The following ZNF250 variants were observed in gnomAD, a reference collection of about 807,000 sequenced individuals.
ZNF250 encodes the protein zinc finger protein 250.
A neutral mutation model predicts 37.1 loss-of-function variants in ZNF250; 13 were observed. That is an observed-to-expected ratio of 0.35 (90% confidence interval 0.23 to 0.56). ZNF250 has a LOEUF of 0.56. Ranked by LOEUF, ZNF250 falls within the 20% of genes least tolerant of loss-of-function variation. ZNF250 has a pLI of 0.87. For missense variants in ZNF250, 474 were observed against 697.9 expected (o/e 0.68, Z 3.61); for synonymous variants, 251 against 265.6 (o/e 0.94, Z 0.54).
chr8:144,885,360 G>A (rs967728225), intron 5 of ZNF250, among the ~76,000 whole-genome samples: 1 of 152,056 alleles, frequency 6.6e-6, no homozygotes, highest in Non-Finnish European at 1.5e-5. Flanking sequence ...ACCTCAGGTG[G>A]TCCATCTGCC....
intron 5 of ZNF250, 75 bp downstream of exon 5, chr8:144,886,765 C>A: frequency 1.4e-6 from 2 of 1,408,344 alleles, no homozygotes; most frequent in East Asian, 4.6e-5. Flanking sequence ...CGAGTCGCCT[C>A]TACATTCTTG....
intron 1 of ZNF250, among the ~76,000 whole-genome samples, chr8:144,898,236 G>T (rs759635471): frequency 9.2e-5 from 14 of 152,124 alleles, no homozygotes; most frequent in Non-Finnish European, 2.1e-4. Context: ...GGTGGAGTTT[G>T]CAGTGAGCCA....
chr8:144,892,545 C>T (rs1832416373), intron 1 of ZNF250, among the ~76,000 whole-genome samples: 1 of 151,870 alleles, frequency 6.6e-6, no homozygotes, highest in Admixed American at 6.6e-5. Flanking sequence ...ACATCAATAA[C>T]CAATTTTTTT....
Position 144,886,844 on chromosome 8 carries a change from T to A in ZNF250, c.342A>T (p.Pro114=). 1 of 1,613,158 alleles carries A rather than the reference T, an allele frequency of 6.2e-7. No individual in the cohort carries two copies. The highest frequency in any genetic ancestry group is 1.1e-5 in the South Asian group (1 of 91,076). The change falls in exon 5 of 6, where the codon CCA becomes CCT. Residue 114 remains proline (P), a synonymous_variant. Transcript: ENST00000417550. ...ACTQQDSLSC[P]WECETKGESQ... Reference sequence around the variant, plus strand: ...AAAGATCAGGCATACACTTACCCCATGGACAAGATAAACTGTCTTGTTGTG... The same window carrying A: ...AAAGATCAGGCATACACTTACCCCAAGGACAAGATAAACTGTCTTGTTGTG...
chr8:144,883,807 C>A (rs1388946459), intron 5 of ZNF250, among the ~76,000 whole-genome samples: 1 of 152,144 alleles, frequency 6.6e-6, no homozygotes, highest in Non-Finnish European at 1.5e-5. Flanking sequence ...GGTGGAGACT[C>A]TTCTGGGAGC....
At chr8:144,901,823 C>T (rs909602169), upstream of ZNF250, 1 of 152,560 alleles carries the variant, frequency 6.6e-6, no homozygotes, top group African/African-American at 2.4e-5. The surrounding 1 kb of genome is among the most constrained non-coding windows in gnomAD (Gnocchi z 5.4). Flanking sequence ...CCCGCAGTCC[C>T]TCCTCGACTT....
intron 5 of ZNF250, among the ~76,000 whole-genome samples, chr8:144,885,222 C>A (rs11997814): frequency 2.0e-5 from 3 of 151,898 alleles, no homozygotes; most frequent in Non-Finnish European, 2.9e-5. Flanking sequence ...CAGGTTCAAG[C>A]GATTCTCCTG....
rs570166564 is a variant in ZNF250 at position 144,891,709 on chromosome 8, G to A, written c.-54-1306C>T. 1.3e-5 allele frequency among the ~76,000 whole-genome samples: 2 copies of A among 152,286 alleles called. No individual in the cohort carries two copies. The highest frequency in any genetic ancestry group is 2.4e-5 in the African/African-American group (1 of 41,554). On this transcript the variant is annotated intron_variant, in intron 1 of 5. Coordinates refer to ENST00000417550, the MANE Select transcript of ZNF250 (RefSeq NM_001109689.4). This position sits in a 1 kb window ranked among gnomAD's most constrained non-coding sequence, Gnocchi z 4.0. ...CTCTACTAAAAACACAAAATTAGCC[G>A]GGTGTGGTGGTGCACGCCTGTAGTC...
In ZNF250 at chr8:144,878,455, A is replaced by G. The variant is rs1368310156; in HGVS notation, c.*3060T>C. 1 of 152,260 alleles carries G rather than the reference A, an allele frequency of 6.6e-6. No individual in the cohort carries two copies. Among genetic ancestry groups the G allele is most frequent in the Non-Finnish European group, 1.5e-5 (1 of 68,054 alleles). The allele number at this position is 152,260 out of a possible 1,614,324, so 9.4% of individuals were successfully genotyped here. On this transcript the variant is annotated 3_prime_UTR_variant, in exon 6 of 6. Transcript: ENST00000417550. ...TCTCATTTCCTTTCTGAAGAATCAC[A>G]TCAGCAGTCTCAGCCTCTCTTAAGT...
rs1178397656 is a variant in ZNF250, at chr8:144,878,695, GCACT to G, written c.*2816_*2819del. On this transcript the variant is annotated 3_prime_UTR_variant, in exon 6 of 6. Coordinates refer to ENST00000417550, the MANE Select transcript of ZNF250 (RefSeq NM_001109689.4). ...GTGATTTCACTTCCTTTATGAAATA[GCACT>G]CAGTGACCTCCATTCTTCTAGAGTT... 2 of 152,038 alleles carry G rather than the reference GCACT, an allele frequency of 1.3e-5. No individual in the cohort carries two copies. The highest frequency in any genetic ancestry group is 2.9e-5 in the Non-Finnish European group (2 of 68,008). 9.4% of individuals were successfully genotyped at this position (152,038 alleles called of 1,614,324 possible).
At chr8:144,887,511 C>T (rs991531912) in intron 4 of ZNF250, among the ~76,000 whole-genome samples, 1 of 152,136 alleles carries the variant, frequency 6.6e-6, no homozygotes, top group Non-Finnish European at 1.5e-5. Context: ...CCATCGTCCT[C>T]TGTGGCCTGT....
At chr8:144,892,515 T>G (rs1476892429) in intron 1 of ZNF250, among the ~76,000 whole-genome samples, 1 of 152,108 alleles carries the variant, frequency 6.6e-6, no homozygotes, top group Non-Finnish European at 1.5e-5. Flanking sequence ...TTTAGTAACT[T>G]GTGTGTACCC....
chr8:144,890,127 T>A lies in ZNF250; in HGVS notation c.43-68A>T, dbSNP rs1468965612. On this transcript the variant is annotated intron_variant, in intron 2 of 5. Transcript: ENST00000417550. The surrounding 1 kb of genome is among the most constrained non-coding windows in gnomAD (Gnocchi z 5.1). ...GTCTGTGATGGGGAGTGGGTGCATG[T>A]GACATGTGACATGAGCAGTTGGCAG... The A allele has an allele frequency of 6.3e-7, 1 of 1,577,202 alleles. No individual in the cohort carries two copies. Among genetic ancestry groups the A allele is most frequent in the East Asian group, 2.3e-5 (1 of 42,944 alleles).
intron 1 of ZNF250, among the ~76,000 whole-genome samples, chr8:144,900,983 C>T (rs1326560075): frequency 1.3e-5 from 2 of 152,200 alleles, no homozygotes; most frequent in South Asian, 2.1e-4. Flanking sequence ...AGGACTCCGG[C>T]CATCCTGGCC....
At chr8:144,889,909 A>C (rs772943743) in intron 3 of ZNF250, 24 bp downstream of exon 3, 34 of 1,580,796 alleles carry the variant, frequency 2.2e-5, no homozygotes, top group Non-Finnish European at 2.5e-5. Flanking sequence ...AGATACATAG[A>C]CGAGGCCTGC....
Position 144,890,234 on chromosome 8 carries a change from G to A in ZNF250, c.42+74C>T. On this transcript the variant is annotated intron_variant, in intron 2 of 5. Transcript: ENST00000417550. The surrounding 1 kb of genome is among the most constrained non-coding windows in gnomAD (Gnocchi z 5.1). ...TGTGGTGACGCTCTGGCTGCTCTTA[G>A]GAGCTCTACGGGGCACGGAAGGAAC... 1 of 1,511,854 alleles carries A rather than the reference G, an allele frequency of 6.6e-7. No homozygotes were observed. The highest frequency in any genetic ancestry group is 9.0e-7 in the Non-Finnish European group (1 of 1,107,772). 93.7% of individuals were successfully genotyped at this position (1,511,854 alleles called of 1,614,324 possible).
Position 144,897,494 on chromosome 8 carries a change from G to A in ZNF250, c.-55+3905C>T, listed in dbSNP as rs1199717938. Among the ~76,000 whole-genome samples, 1 of 152,214 alleles carries A rather than the reference G, an allele frequency of 6.6e-6. No individual in the cohort carries two copies. Among genetic ancestry groups the A allele is most frequent in the African/African-American group, 2.4e-5 (1 of 41,456 alleles). On this transcript the variant is annotated intron_variant, in intron 1 of 5. Transcript: ENST00000417550. This position sits in a 1 kb window ranked among gnomAD's most constrained non-coding sequence, Gnocchi z 5.2. ...ATCCAAATTGATAGCTTTCTGGTCG[G>A]GCACAGTGGCTCATGCCTGTAATCC...
At position 144,877,135 on chromosome 8, in the gene ZNF250, C is replaced by T. The variant is rs1318664148; in HGVS notation, c.*4380G>A. Reference sequence around the variant, plus strand: ...GTATTTTTTGTGACAAGGTCTCTCTCTGTTGTCCAGGCTAGATAGTATGAT... The same window carrying T: ...GTATTTTTTGTGACAAGGTCTCTCTTTGTTGTCCAGGCTAGATAGTATGAT... On this transcript the variant is annotated 3_prime_UTR_variant, in exon 6 of 6. Coordinates refer to ENST00000417550, the MANE Select transcript of ZNF250 (RefSeq NM_001109689.4). 1 of 152,246 alleles carries T rather than the reference C, an allele frequency of 6.6e-6. No homozygotes were observed. The highest frequency in any genetic ancestry group is 1.5e-5 in the Non-Finnish European group (1 of 68,050). 9.4% of individuals were successfully genotyped at this position (152,246 alleles called of 1,614,324 possible).
At chr8:144,887,657 G>C (rs181359234) in intron 4 of ZNF250, among the ~76,000 whole-genome samples, 11 of 152,306 alleles carry the variant, frequency 7.2e-5, no homozygotes, top group Admixed American at 5.9e-4. Flanking sequence ...TCCATCAGGC[G>C]AGTACATAGC....
Sources: allele counts gnomAD v4.1 joint callset (sites outside exome capture counted in the v4.1 genomes callset), GRCh38; gene constraint gnomAD v4.1.1; non-coding constraint Gnocchi (gnomAD v3.1); transcripts MANE v1.5; gene names NCBI Gene and HGNC (gene_info 2026-07-23, HGNC 2026-07-21).